The following SETDB1 variants were observed in gnomAD, a reference collection of about 807,000 sequenced individuals.
The protein encoded by SETDB1 is histone-lysine N-methyltransferase SETDB1.
Under a neutral mutation model 137.4 loss-of-function variants are expected in SETDB1, and 31 were observed. That is an observed-to-expected ratio of 0.23 (90% CI 0.17 to 0.30). The LOEUF (loss-of-function observed/expected upper bound fraction) is 0.30. SETDB1 is among the 10% of genes least tolerant of loss of function. The probability of loss-of-function intolerance (pLI) is 1.00; values close to 1 mark genes in which losing one functional copy is unlikely to be tolerated. For synonymous variants in SETDB1, 548 were observed against 579.9 expected, an observed-to-expected ratio of 0.95 and a Z score of 0.79; for missense variants, 1,113 against 1,631.5, an observed-to-expected ratio of 0.68 and a Z score of 5.47.
At chr1:150,937,098 C>T (rs1669969043) in intron 3 of SETDB1, among the ~76,000 whole-genome samples, 1 of 151,544 alleles carries the variant, frequency 6.6e-6, no homozygotes, top group African/African-American at 2.4e-5. Context: ...GCACTCCAGC[C>T]TGGATGACAG....
At chr1:150,931,503 T>C (rs1669745398) in intron 3 of SETDB1, among the ~76,000 whole-genome samples, 1 of 151,256 alleles carries the variant, frequency 6.6e-6, no homozygotes, top group African/African-American at 2.4e-5. Flanking sequence ...GAGAATGGCG[T>C]GAACCCAGGA....
chr1:150,943,066 A>G lies in SETDB1; in HGVS notation c.875+13A>G, dbSNP rs1240686620. 1 of 1,597,056 alleles carries G rather than the reference A, an allele frequency of 6.3e-7. No individual in the cohort carries two copies. Among genetic ancestry groups the G allele is most frequent in the Admixed American group, 1.7e-5 (1 of 59,968 alleles). ...AAAACAAGCTCAGGTACCTGGACAG[A>G]GGACTGTAAAGGGGTAGAGGCTGGG... On this transcript the variant is annotated intron_variant, in intron 7 of 21. Transcript: ENST00000692827.
chr1:150,939,911 A>G, intron 3 of SETDB1, 29 bp from the exon 4 acceptor site: 4 of 1,589,244 alleles, frequency 2.5e-6, no homozygotes, highest in Non-Finnish European at 2.6e-6. Flanking sequence ...TAAGTCTCTG[A>G]CACTCATTAG....
Position 150,963,987 on chromosome 1 carries a change from AC to A in SETDB1, c.3673-6del, listed in dbSNP as rs746364022. The stretch of plus-strand genomic sequence containing the variant: ...GGTTCTTATTTGATCCTGTCCTTAA[AC>A]CTACAGCACAGTTGCAGCCCCAACC... On this transcript the variant is annotated splice_polypyrimidine_tract_variant and splice_region_variant and intron_variant, in intron 20 of 21. Transcript: ENST00000692827. 7 of 1,613,136 alleles carry A rather than the reference AC, an allele frequency of 4.3e-6. No homozygotes were observed. In the East Asian group the frequency reaches 1.1e-4, roughly 26 times the overall value.
At chr1:150,952,724 A>G (rs1439350977) in intron 14 of SETDB1, among the ~76,000 whole-genome samples, 1 of 151,734 alleles carries the variant, frequency 6.6e-6, no homozygotes, top group African/African-American at 2.4e-5. Context: ...TACTAAAAAT[A>G]CAAAAAAAAA....
chr1:150,937,123 TC>T (rs1191476684), intron 3 of SETDB1, among the ~76,000 whole-genome samples: 3 of 149,346 alleles, frequency 2.0e-5, no homozygotes, highest in Non-Finnish European at 4.4e-5. Context: ...AGAATCTGTC[TC>T]AAAGAAAAAA....
chr1:150,948,974 C>T, intron 10 of SETDB1, 148 bp from the exon 11 acceptor site: 1 of 779,278 alleles, frequency 1.3e-6, no homozygotes, highest in South Asian at 2.0e-5. Context: ...CCACTTCGGC[C>T]TCCCAAACTG....
At position 150,958,767 on chromosome 1, in the gene SETDB1, A is replaced by C. The variant is rs746054951; in HGVS notation, c.2334-411A>C. On this transcript the variant is annotated intron_variant, in intron 14 of 21. Transcript: ENST00000692827. ...TTATTTTTGCTGTTGTTAGTAAGAA[A>C]CCTCACCAGGAATTTCTCACATGTC... Among the ~76,000 whole-genome samples the C allele has an allele frequency of 1.0e-3, 158 of 151,962 alleles. 2 individuals carry two copies. The highest frequency in any genetic ancestry group is 1.7e-3 in the South Asian group (8 of 4,802).
chr1:150,951,173 T>C (rs975706236), intron 13 of SETDB1, 83 bp downstream of exon 13: 5 of 1,435,462 alleles, frequency 3.5e-6, no homozygotes, highest in Non-Finnish European at 4.8e-6. Context: ...CTTGTATCTG[T>C]ACTGCTTTCC....
At chr1:150,963,867 T>A in intron 20 of SETDB1, 126 bp downstream of exon 20, 2 of 1,297,102 alleles carry the variant, frequency 1.5e-6, no homozygotes, top group East Asian at 4.7e-5. Context: ...AAGAGGTAGC[T>A]TTCTTTCAAA....
chr1:150,956,317 T>C lies in SETDB1; in HGVS notation c.2334-2861T>C, dbSNP rs587649686. On this transcript the variant is annotated intron_variant, in intron 14 of 21. Transcript: ENST00000692827. ...AGGAGAATCACTTGAACCCGCGAGGTGGAGGTTGCAGTGAGCCAAGATCCC... is the reference window on the plus strand; with the variant it reads ...AGGAGAATCACTTGAACCCGCGAGGCGGAGGTTGCAGTGAGCCAAGATCCC... Among the ~76,000 whole-genome samples, 7 of 144,178 alleles carry C rather than the reference T, an allele frequency of 4.9e-5. No individual in the cohort carries two copies. The South Asian group carries it at 1.3e-3, about 27-fold the overall frequency. 94.6% of individuals were successfully genotyped at this position (144,178 alleles called of 152,430 possible).
intron 3 of SETDB1, among the ~76,000 whole-genome samples, chr1:150,935,387 A>G (rs190667132): frequency 1.9e-3 from 290 of 149,030 alleles, no homozygotes; most frequent in African/African-American, 6.7e-3. Flanking sequence ...CAAGTTTTTC[A>G]CCAAATTTGG....
At chr1:150,952,053 C>T (rs1357451924) in intron 14 of SETDB1, among the ~76,000 whole-genome samples, 1 of 151,734 alleles carries the variant, frequency 6.6e-6, no homozygotes, top group African/African-American at 2.4e-5. Context: ...GAGGCTGAGG[C>T]AGGAGAATCG....
intron 10 of SETDB1, among the ~76,000 whole-genome samples, chr1:150,948,436 A>G: frequency 6.6e-6 from 1 of 151,918 alleles, no homozygotes; most frequent in South Asian, 2.1e-4. Flanking sequence ...ATGCCAGGCT[A>G]ATTTTTGTAT....
intron 3 of SETDB1, among the ~76,000 whole-genome samples, chr1:150,931,726 CAAA>C (rs10691133): frequency 1.4e-5 from 1 of 72,346 alleles, no homozygotes; most frequent in Non-Finnish European, 2.7e-5. Context: ...CTGTCTCACC[CAAA>C]AAAAAAAAAA....
At chr1:150,946,762 A>C in intron 9 of SETDB1, 124 bp from the exon 10 acceptor site, 2 of 1,132,140 alleles carry the variant, frequency 1.8e-6, no homozygotes, top group South Asian at 2.9e-5. Context: ...GCTTAGACTA[A>C]GGAATTTAAG....
intron 3 of SETDB1, among the ~76,000 whole-genome samples, chr1:150,933,385 T>TTTTTTTTG (rs1669828234): frequency 6.7e-6 from 1 of 149,836 alleles, no homozygotes; most frequent in African/African-American, 2.5e-5. Context: ...TTTTTTTTTT[T>TTTTTTTTG]GAGACAGTCT....
intron 16 of SETDB1, 173 bp from the exon 17 acceptor site, chr1:150,961,957 C>A: frequency 1.3e-6 from 1 of 742,238 alleles, no homozygotes; most frequent in Non-Finnish European, 2.4e-6. Context: ...AAGGCTCCAG[C>A]CAGGGAGTGT....
chr1:150,963,250 T>C lies in SETDB1; in HGVS notation c.3460+111T>C, dbSNP rs892942187. On this transcript the variant is annotated intron_variant, in intron 19 of 21. Transcript: ENST00000692827. ...TGGGTAAAAATTCAGATCCTAAGAA[T>C]TGGAGCATCTCTGGGAGGGCTTTCT... is the stretch of plus-strand genomic sequence containing the variant. The C allele has an allele frequency of 1.4e-5, 14 of 1,003,156 alleles. No individual in the cohort carries two copies. The African/African-American group carries it at 1.9e-4, about 14-fold the overall frequency. 62.1% of individuals were successfully genotyped at this position (1,003,156 alleles called of 1,614,324 possible). A position where few individuals can be genotyped will look rare whatever the true frequency, so the allele number is the denominator to read the frequency against.
Sources: gnomAD v4.1 joint callset for allele counts (sites outside exome capture counted in the v4.1 genomes callset) on GRCh38, gnomAD v4.1.1 for gene constraint, MANE v1.5 for transcripts, NCBI Gene and HGNC (gene_info 2026-07-23, HGNC 2026-07-21) for gene names.